The following KCNIP4 variants were observed in gnomAD, a reference collection of about 807,000 sequenced individuals.
The protein encoded by KCNIP4 is potassium voltage-gated channel interacting protein 4, also known as Kv channel-interacting protein 4.
A neutral mutation model predicts 34.0 loss-of-function variants in KCNIP4; 12 were observed. The observed-to-expected ratio is 0.35, with a 90% CI of 0.23 to 0.57. The LOEUF is 0.57. KCNIP4 is among the 20% of genes least tolerant of loss of function. The probability of loss-of-function intolerance (pLI) is 0.83; values close to 1 mark genes in which losing one functional copy is unlikely to be tolerated. For synonymous variants in KCNIP4, 124 were observed against 102.2 expected (o/e 1.21, Z -1.29); for missense variants, 238 against 311.7 (o/e 0.76, Z 1.78).
intron 1 of KCNIP4, among the ~76,000 whole-genome samples, chr4:21,719,298 A>G (rs1714616229): frequency 6.6e-6 from 1 of 152,174 alleles, no homozygotes. Context: ...AGGAACATGA[A>G]GAAATATAGA....
At chr4:21,066,503 T>A (rs1170599703) in intron 1 of KCNIP4, among the ~76,000 whole-genome samples, 1 of 151,950 alleles carries the variant, frequency 6.6e-6, no homozygotes, top group Non-Finnish European at 1.5e-5. Context: ...ACCTATACCA[T>A]CCCTCCCCCC....
intron 1 of KCNIP4, among the ~76,000 whole-genome samples, chr4:21,252,146 T>TTC (rs1577966333): frequency 7.3e-6 from 1 of 136,862 alleles, no homozygotes. Context: ...TTTTTTTTTT[T>TTC]GAGACAGAGT....
intron 1 of KCNIP4, among the ~76,000 whole-genome samples, chr4:21,477,277 G>A (rs975147107): frequency 6.6e-6 from 1 of 152,214 alleles, no homozygotes; most frequent in East Asian, 1.9e-4. Flanking sequence ...GCATTGCCAA[G>A]GTATTTCTCA....
At chr4:21,501,469 A>G (rs758503632) in intron 1 of KCNIP4, among the ~76,000 whole-genome samples, 1 of 152,084 alleles carries the variant, frequency 6.6e-6, no homozygotes. Flanking sequence ...CTTCTCATTC[A>G]TGTTTAAGAT....
intron 1 of KCNIP4, among the ~76,000 whole-genome samples, chr4:21,855,272 T>C (rs1273840700): frequency 6.6e-6 from 1 of 152,214 alleles, no homozygotes; most frequent in Non-Finnish European, 1.5e-5. Context: ...TGACTTTGTC[T>C]CTCTCAGTCT....
intron 1 of KCNIP4, among the ~76,000 whole-genome samples, chr4:21,195,846 G>A (rs1042883535): frequency 6.6e-6 from 1 of 152,032 alleles, no homozygotes; most frequent in Non-Finnish European, 1.5e-5. Context: ...CCTCTTTGCT[G>A]AACCCTGAGG....
intron 1 of KCNIP4, among the ~76,000 whole-genome samples, chr4:21,530,637 A>G (rs948824007): frequency 2.6e-5 from 4 of 152,214 alleles, no homozygotes; most frequent in Non-Finnish European, 5.9e-5. Flanking sequence ...CTTAAAAGCT[A>G]CATAGGACTC....
chr4:21,385,320 G>A (rs1379721610), intron 1 of KCNIP4, among the ~76,000 whole-genome samples: 1 of 152,156 alleles, frequency 6.6e-6, no homozygotes, highest in Admixed American at 6.6e-5. Flanking sequence ...CCAGCAGGAG[G>A]TGGGATAAAT....
At chr4:20,832,521 T>C (rs192314495) in intron 3 of KCNIP4, among the ~76,000 whole-genome samples, 4 of 152,326 alleles carry the variant, frequency 2.6e-5, no homozygotes, top group Non-Finnish European at 5.9e-5. Flanking sequence ...TGTTGTGGAA[T>C]CTATAATGTA....
intron 1 of KCNIP4, among the ~76,000 whole-genome samples, chr4:21,629,385 T>C (rs79352620): frequency 1.3e-3 from 193 of 152,338 alleles, no homozygotes; most frequent in Non-Finnish European, 2.2e-3. Flanking sequence ...CCTAGTTTCA[T>C]GGCTCCTTAA....
chr4:20,832,226 T>C (rs1718514023), intron 3 of KCNIP4, among the ~76,000 whole-genome samples: 1 of 152,204 alleles, frequency 6.6e-6, no homozygotes, highest in Non-Finnish European at 1.5e-5. Context: ...ACAAATAGAT[T>C]TTACGGTCTC....
intron 1 of KCNIP4, among the ~76,000 whole-genome samples, chr4:21,893,819 T>G (rs925623034): frequency 6.6e-6 from 1 of 152,192 alleles, no homozygotes; most frequent in African/African-American, 2.4e-5. Flanking sequence ...ATGGTATTTT[T>G]ATTGGCCAAC....
chr4:20,978,651 G>T (rs561506445), intron 1 of KCNIP4, among the ~76,000 whole-genome samples: 1 of 152,224 alleles, frequency 6.6e-6, no homozygotes, highest in East Asian at 1.9e-4. Flanking sequence ...ATCCATAAAA[G>T]CCAGGATTAG....
At chr4:21,370,846 TATATACACACACAC>T (rs1220960627) in intron 1 of KCNIP4, among the ~76,000 whole-genome samples, 1 of 24,504 alleles carries the variant, frequency 4.1e-5, no homozygotes, top group Non-Finnish European at 6.0e-5. Context: ...TATATATATA[TATATACACACACAC>T]ACACACACAC....
intron 1 of KCNIP4, among the ~76,000 whole-genome samples, chr4:21,207,964 T>C (rs1159675477): frequency 6.7e-6 from 1 of 150,236 alleles, no homozygotes; most frequent in Non-Finnish European, 1.5e-5. Flanking sequence ...CATCTCAGCC[T>C]CCCAAATAGC....
intron 1 of KCNIP4, among the ~76,000 whole-genome samples, chr4:21,864,395 C>A (rs965033999): frequency 6.6e-6 from 1 of 152,118 alleles, no homozygotes; most frequent in African/African-American, 2.4e-5. Flanking sequence ...CCATAACAAC[C>A]AGGTTTTTAG....
chr4:21,480,370 G>A (rs1179829172), intron 1 of KCNIP4, among the ~76,000 whole-genome samples: 4 of 151,978 alleles, frequency 2.6e-5, no homozygotes, highest in East Asian at 1.9e-4. Context: ...GTGAAAACAC[G>A]AATCTTTTGT....
At chr4:20,954,548 G>A (rs931138762) in intron 1 of KCNIP4, among the ~76,000 whole-genome samples, 1 of 152,016 alleles carries the variant, frequency 6.6e-6, no homozygotes, top group East Asian at 1.9e-4. Context: ...ATCGATCAAG[G>A]TATAATGAAA....
intron 1 of KCNIP4, among the ~76,000 whole-genome samples, chr4:21,434,445 G>GA (rs1726767802): frequency 6.6e-6 from 1 of 152,108 alleles, no homozygotes; most frequent in Non-Finnish European, 1.5e-5. Flanking sequence ...AAACTGCCTA[G>GA]AAACATTAGC....
Sources: allele counts gnomAD v4.1 joint callset (sites outside exome capture counted in the v4.1 genomes callset), GRCh38; gene constraint gnomAD v4.1.1; transcripts MANE v1.5; gene names NCBI Gene and HGNC (gene_info 2026-07-23, HGNC 2026-07-21).